The following METTL15 variants were observed in gnomAD, a reference collection of about 807,000 sequenced individuals.
METTL15 encodes the protein 12S rRNA N(4)-cytidine methyltransferase METTL15.
In METTL15, 34 loss-of-function variants were observed where a neutral mutation model predicts 38.3. The observed-to-expected ratio is 0.89, with a 90% CI of 0.68 to 1.18. METTL15 has a LOEUF of 1.18. Ranked by LOEUF, METTL15 falls within the 50% of genes most tolerant of loss-of-function variation. The pLI is 0.00. For synonymous variants in METTL15, 162 were observed against 170.9 expected (o/e 0.95, Z 0.41); for missense variants, 438 against 498.4 (o/e 0.88, Z 1.15).
intron 3 of METTL15, among the ~76,000 whole-genome samples, chr11:28,142,110 C>CA (rs1849718906): frequency 1.3e-5 from 2 of 152,126 alleles, no homozygotes; most frequent in Admixed American, 1.3e-4. Flanking sequence ...AACCAAATGT[C>CA]AAAAAACAAA....
At chr11:28,385,470 C>A (rs1205245782) in intron 5 of METTL15, among the ~76,000 whole-genome samples, 1 of 151,928 alleles carries the variant, frequency 6.6e-6, no homozygotes, top group Non-Finnish European at 1.5e-5. Flanking sequence ...AACCTTATTT[C>A]TGTGCTCTTT....
chr11:28,381,278 T>A (rs1850380361), intron 5 of METTL15, among the ~76,000 whole-genome samples: 1 of 152,148 alleles, frequency 6.6e-6, no homozygotes. Context: ...GGGTTACAAA[T>A]ATAAGCCACT....
chr11:28,167,382 C>G (rs1188855556), intron 3 of METTL15, among the ~76,000 whole-genome samples: 1 of 152,146 alleles, frequency 6.6e-6, no homozygotes, highest in East Asian at 1.9e-4. Flanking sequence ...CAAACACAAC[C>G]AGGGTCGTGC....
intron 4 of METTL15, among the ~76,000 whole-genome samples, chr11:28,218,646 A>T (rs564962915): frequency 4.5e-4 from 69 of 152,270 alleles, no homozygotes; most frequent in African/African-American, 1.6e-3. Context: ...CAGTTTTCAA[A>T]GGGAATGCTT....
At chr11:28,459,433 T>C (rs1182978352) in intron 6 of METTL15, among the ~76,000 whole-genome samples, 2 of 152,162 alleles carry the variant, frequency 1.3e-5, no homozygotes, top group Non-Finnish European at 2.9e-5. Flanking sequence ...GCAGAAACTG[T>C]GTCTTTCTAA....
At chr11:28,194,192 C>CTTTCTTTCTTTTTCT (rs1554995677) in intron 3 of METTL15, among the ~76,000 whole-genome samples, 1 of 125,120 alleles carries the variant, frequency 8.0e-6, no homozygotes, top group Non-Finnish European at 1.6e-5. Context: ...CTCTCTCTCT[C>CTTTCTTTCTTTTTCT]CTCTCTCTCT....
chr11:28,432,850 C>G (rs1439427898), intron 6 of METTL15, among the ~76,000 whole-genome samples: 1 of 151,972 alleles, frequency 6.6e-6, no homozygotes, highest in Non-Finnish European at 1.5e-5. Flanking sequence ...CTTGTTTGAC[C>G]ATAACCTAGT....
At chr11:28,155,441 A>C (rs889191844) in intron 3 of METTL15, among the ~76,000 whole-genome samples, 1 of 152,172 alleles carries the variant, frequency 6.6e-6, no homozygotes, top group African/African-American at 2.4e-5. Flanking sequence ...ATTACTTTAC[A>C]GCCTCAATAA....
At chr11:28,265,159 A>G (rs1855362504) in intron 4 of METTL15, among the ~76,000 whole-genome samples, 1 of 152,058 alleles carries the variant, frequency 6.6e-6, no homozygotes, top group Admixed American at 6.6e-5. Context: ...GGACAAAACA[A>G]CACATAAACT....
At chr11:28,376,785 C>T (rs998875179) in intron 5 of METTL15, among the ~76,000 whole-genome samples, 6 of 150,668 alleles carry the variant, frequency 4.0e-5, no homozygotes, top group African/African-American at 1.5e-4. Flanking sequence ...CATGACTTTG[C>T]AGCGGCTGGT....
intron 6 of METTL15, among the ~76,000 whole-genome samples, chr11:28,468,522 A>T (rs1313183656): frequency 6.6e-6 from 1 of 152,182 alleles, no homozygotes; most frequent in East Asian, 1.9e-4. Context: ...TTTTTAAGAG[A>T]CCAAGGGGTT....
At chr11:28,230,816 G>A (rs1853655212) in intron 4 of METTL15, among the ~76,000 whole-genome samples, 1 of 151,754 alleles carries the variant, frequency 6.6e-6, no homozygotes, top group South Asian at 2.1e-4. Context: ...TTTTTCCTGA[G>A]AGAATGCAAT....
intron 6 of METTL15, among the ~76,000 whole-genome samples, chr11:28,515,386 T>C (rs1851711304): frequency 6.6e-6 from 1 of 152,228 alleles, no homozygotes; most frequent in Admixed American, 6.5e-5. Context: ...TTTCCTATTA[T>C]ATTCATGTAA....
intron 4 of METTL15, among the ~76,000 whole-genome samples, chr11:28,359,798 G>A (rs752943137): frequency 6.6e-6 from 1 of 152,008 alleles, no homozygotes; most frequent in African/African-American, 2.4e-5. Flanking sequence ...AATAACTCTG[G>A]TAAGGTTACC....
intron 4 of METTL15, among the ~76,000 whole-genome samples, chr11:28,259,008 TCA>T (rs1437775271): frequency 6.6e-6 from 1 of 152,160 alleles, no homozygotes; most frequent in Non-Finnish European, 1.5e-5. Context: ...CCAGCAAGTC[TCA>T]CAGTTTTATC....
At chr11:28,362,240 GAA>G (rs1445548415) in intron 5 of METTL15, among the ~76,000 whole-genome samples, 4 of 152,058 alleles carry the variant, frequency 2.6e-5, no homozygotes, top group Non-Finnish European at 5.9e-5. Flanking sequence ...AAAACACAAG[GAA>G]AAAGTAGAAG....
chr11:28,175,792 G>A (rs1851051455), intron 3 of METTL15, among the ~76,000 whole-genome samples: 1 of 151,860 alleles, frequency 6.6e-6, no homozygotes, highest in Admixed American at 6.6e-5. Flanking sequence ...CCCTAATCTT[G>A]GCCACTACTA....
chr11:28,117,233 G>GTGTGTGTGTT (rs1185704383), intron 3 of METTL15, among the ~76,000 whole-genome samples: 3 of 39,300 alleles, frequency 7.6e-5, no homozygotes, highest in African/African-American at 2.6e-4. Context: ...ACCTATATAT[G>GTGTGTGTGTT]TATGTGTGTG....
intron 3 of METTL15, among the ~76,000 whole-genome samples, chr11:28,115,383 C>T (rs1051012270): frequency 6.6e-6 from 1 of 151,946 alleles, no homozygotes; most frequent in African/African-American, 2.4e-5. Flanking sequence ...CTCAGCCTCC[C>T]GAGTAGCTGG....
Sources: gnomAD v4.1 joint callset for allele counts (sites outside exome capture counted in the v4.1 genomes callset) on GRCh38, gnomAD v4.1.1 for gene constraint, MANE v1.5 for transcripts, NCBI Gene and HGNC (gene_info 2026-07-23, HGNC 2026-07-21) for gene names.